Variants in RMDN2 observed in about 807,000 individuals in gnomAD.
The protein encoded by RMDN2 is regulator of microtubule dynamics protein 2.
RMDN2 carries 61 observed loss-of-function variants against 52.8 expected under a neutral mutation model. The observed-to-expected ratio is 1.16, with a 90% CI of 0.94 to 1.43. The LOEUF (loss-of-function observed/expected upper bound fraction) is 1.43, where lower values mean the gene tolerates loss of function less well. RMDN2 is among the 40% of genes most tolerant of loss of function. The pLI is 0.00. For missense variants in RMDN2, 592 were observed against 475.3 expected (o/e 1.25, Z -2.28); for synonymous variants, 180 against 153.1 (o/e 1.18, Z -1.30).
chr2:38,062,863 C>T (rs1039921464), intron 10 of RMDN2, among the ~76,000 whole-genome samples: 12 of 144,202 alleles, frequency 8.3e-5, no homozygotes, highest in African/African-American at 3.1e-4. Context: ...TGAGAACATG[C>T]GGTGTTTGGT....
At chr2:37,989,954 G>A (rs547263911) in intron 6 of RMDN2, among the ~76,000 whole-genome samples, 59 of 151,804 alleles carry the variant, frequency 3.9e-4, no homozygotes, top group East Asian at 5.9e-4. Flanking sequence ...CCATCCTGGC[G>A]AACACTGTGA....
At position 37,963,907 on chromosome 2, in the gene RMDN2, C is replaced by A. The variant is rs77116712; in HGVS notation, c.453-10133C>A. 9.0e-4 allele frequency among the ~76,000 whole-genome samples: 132 copies of A among 147,464 alleles called. 1 individual carries two copies. In the East Asian group the frequency reaches 0.023, roughly 26 times the overall value. The stretch of plus-strand genomic sequence containing the variant: ...GCAGGGGCGGCGGGGCAGAGGCGCC[C>A]CCCCACCTCCCGGACGGGGCGGCGG... On this transcript the variant is annotated intron_variant, in intron 2 of 10. Transcript: ENST00000354545.
intron 5 of RMDN2, among the ~76,000 whole-genome samples, chr2:37,981,949 T>C (rs1673376176): frequency 6.6e-6 from 1 of 152,156 alleles, no homozygotes; most frequent in Admixed American, 6.5e-5. Flanking sequence ...TTATTATTCT[T>C]CCTTTTTCTT....
At chr2:37,930,309 A>G (rs1023032885) in intron 2 of RMDN2, among the ~76,000 whole-genome samples, 3 of 152,048 alleles carry the variant, frequency 2.0e-5, no homozygotes, top group African/African-American at 7.2e-5. Context: ...TATATAGGTG[A>G]CTCTGTCTCA....
At chr2:38,066,878 A>T in intron 10 of RMDN2, 3 of 1,012,708 alleles carry the variant, frequency 3.0e-6, no homozygotes, top group Non-Finnish European at 4.7e-6. Context: ...CTCTTAAACC[A>T]CTCCATAGCC....
rs1248207135 is a variant in RMDN2 at position 38,033,410 on chromosome 2, T to C, written c.1713+29194T>C. 2.0e-5 allele frequency among the ~76,000 whole-genome samples: 3 copies of C among 152,212 alleles called. No individual in the cohort carries two copies. In the East Asian group the frequency reaches 5.8e-4, roughly 29 times the overall value. ...AGATTAAGCCTATGGTCTCAGAACA[T>C]TGTTGTTGGAAGGGGGATGAAAGTC... On this transcript the variant is annotated intron_variant, in intron 10 of 10. Coordinates refer to the RMDN2 transcript ENST00000234195.
At chr2:37,987,257 A>G (rs1456213729) in intron 5 of RMDN2, among the ~76,000 whole-genome samples, 2 of 152,132 alleles carry the variant, frequency 1.3e-5, no homozygotes, top group East Asian at 1.9e-4. Flanking sequence ...GAAAATGAAC[A>G]AAGTATGTAC....
chr2:38,049,849 G>A (rs1434922300), intron 10 of RMDN2, among the ~76,000 whole-genome samples: 1 of 152,164 alleles, frequency 6.6e-6, no homozygotes, highest in Non-Finnish European at 1.5e-5. Flanking sequence ...GATTACAGGT[G>A]ATGACAAGAT....
chr2:38,005,598 A>G (rs1244438073), intron 10 of RMDN2, among the ~76,000 whole-genome samples: 18 of 152,178 alleles, frequency 1.2e-4, no homozygotes, highest in South Asian at 2.1e-4. Context: ...GATTCTGGAT[A>G]TTAGCCCTTT....
At chr2:37,951,296 C>A (rs768132013) in intron 2 of RMDN2, 98 of 1,612,124 alleles carry the variant, frequency 6.1e-5, no homozygotes, top group Non-Finnish European at 8.1e-5. Flanking sequence ...GTACAGACGC[C>A]CAGCATCGTG....
chr2:37,942,665 C>T (rs190506037), intron 2 of RMDN2, among the ~76,000 whole-genome samples: 3 of 152,200 alleles, frequency 2.0e-5, no homozygotes, highest in East Asian at 1.9e-4. Flanking sequence ...TCCCTGAAAA[C>T]CAGTACGATC....
chr2:37,959,606 G>C (rs1363722938), intron 2 of RMDN2, among the ~76,000 whole-genome samples: 2 of 150,692 alleles, frequency 1.3e-5, no homozygotes, highest in Non-Finnish European at 2.9e-5. Flanking sequence ...CCAGCTCCTG[G>C]ATTCATTGAT....
upstream of RMDN2, chr2:37,923,246 A>T (rs1666082027): frequency 1.3e-5 from 2 of 152,172 alleles, no homozygotes; most frequent in Admixed American, 1.3e-4. Context: ...CCTTTCAGAT[A>T]ATTTTTACTC....
Position 37,929,371 on chromosome 2 carries a change from A to G in RMDN2, c.94A>G (p.Lys32Glu). ...LLLLWYHKVR[K>E]PGIAMKLPEF... is the part of the protein sequence containing the mutation. Reference sequence around the variant, plus strand: ...GCTCTTGTGGTACCACAAGGTCCGTAAACCAGGGATAGCAATGAAGTTACC... The same window carrying G: ...GCTCTTGTGGTACCACAAGGTCCGTGAACCAGGGATAGCAATGAAGTTACC... Residue 32 changes from lysine to glutamate, a missense_variant, in exon 2 of 11, where the codon AAA becomes GAA. Transcript: ENST00000354545. The G allele has an allele frequency of 6.4e-7, 1 of 1,551,830 alleles. No individual in the cohort carries two copies. The highest frequency in any genetic ancestry group is 8.7e-7 in the Non-Finnish European group (1 of 1,146,856).
At chr2:38,010,398 G>T (rs569206268) in intron 10 of RMDN2, among the ~76,000 whole-genome samples, 3 of 152,190 alleles carry the variant, frequency 2.0e-5, no homozygotes, top group Non-Finnish European at 4.4e-5. Flanking sequence ...AGCTACTCAA[G>T]CCTCGGCAAT....
rs1336370220 is a variant in RMDN2, at chr2:38,004,059, T to C, written c.1098+15T>C. The C allele has an allele frequency of 2.5e-6, 4 of 1,610,078 alleles. No homozygotes were observed. In the South Asian group the frequency reaches 3.3e-5, roughly 13 times the overall value. On this transcript the variant is annotated intron_variant, in intron 9 of 10. Coordinates refer to ENST00000354545, the MANE Select transcript of RMDN2 (RefSeq NM_001170791.3). Reference sequence around the variant, plus strand: ...ACTTAGCAAAGGTAATGAAGACCACTGTTCTGCTTTAAGATCACTTTGAAC... The same window carrying C: ...ACTTAGCAAAGGTAATGAAGACCACCGTTCTGCTTTAAGATCACTTTGAAC...
Position 37,938,507 on chromosome 2 carries a change from G to A in RMDN2, c.452+8778G>A, listed in dbSNP as rs141411523. On this transcript the variant is annotated intron_variant, in intron 2 of 10. Transcript: ENST00000354545. ...TTTGTACCTCTGGTAGAATTCAGCT[G>A]TGAATCTGTGTGGAGCTGAGCTTTT... 3.0e-3 allele frequency among the ~76,000 whole-genome samples: 455 copies of A among 152,320 alleles called. 5 individuals are homozygous for A. Among genetic ancestry groups the A allele is most frequent in the South Asian group, 0.014 (67 of 4,832 alleles).
At position 37,949,252 on chromosome 2, in the gene RMDN2, G is replaced by T. The variant is rs148715229; in HGVS notation, c.452+19523G>T. 2.6e-3 allele frequency among the ~76,000 whole-genome samples: 393 copies of T among 152,216 alleles called. 2 individuals are homozygous for T. The highest frequency in any genetic ancestry group is 0.01 in the Middle Eastern group (3 of 294). On this transcript the variant is annotated intron_variant, in intron 2 of 10. Coordinates refer to ENST00000354545, the MANE Select transcript of RMDN2 (RefSeq NM_001170791.3). ...ATTCTTTATGTGGGCCATTTTTCAG[G>T]GTTCTGGTGAGCAACCTTGAAGAAT...
intron 10 of RMDN2, among the ~76,000 whole-genome samples, chr2:38,025,011 T>G (rs1679672521): frequency 1.3e-5 from 2 of 152,172 alleles, no homozygotes; most frequent in African/African-American, 4.8e-5. Flanking sequence ...CTAGGTTATT[T>G]GCATTTCCAT....
Sources: gnomAD v4.1 joint callset for allele counts (sites outside exome capture counted in the v4.1 genomes callset) on GRCh38, gnomAD v4.1.1 for gene constraint, MANE v1.5 for transcripts, NCBI Gene and HGNC (gene_info 2026-07-23, HGNC 2026-07-21) for gene names.